The following BCL2 variants were observed in gnomAD, a reference collection of about 807,000 sequenced individuals.
The protein encoded by BCL2 is BCL2 apoptosis regulator.
In BCL2, 1 loss-of-function variant was observed where a neutral mutation model predicts 14.2. The observed-to-expected ratio is 0.07, with a 90% CI of 0.02 to 0.33. BCL2 has a LOEUF of 0.33. Among genes scored for constraint, BCL2 ranks in the 10% least tolerant of loss-of-function variants. The pLI, the probability that BCL2 is intolerant of heterozygous loss-of-function variation, is 0.99. For synonymous variants in BCL2, 151 were observed against 137.2 expected (o/e 1.10, Z -0.70); for missense variants, 247 against 305.9 (o/e 0.81, Z 1.44).
In BCL2 at chr18:63,305,418, T is replaced by C. The variant is rs186866973; in HGVS notation, c.585+12664A>G. The stretch of plus-strand genomic sequence containing the variant: ...GCTTATTGGCTCGTACACACCTTTG[T>C]TGGGCGAACTTTCTTCTTTACATGG... On this transcript the variant is annotated intron_variant, in intron 2 of 2. Coordinates refer to ENST00000333681, the MANE Select transcript of BCL2 (RefSeq NM_000633.3). Among the ~76,000 whole-genome samples the C allele has an allele frequency of 1.6e-4, 25 of 152,264 alleles. No individual in the cohort carries two copies. The East Asian group carries it at 4.6e-3, about 28-fold the overall frequency.
chr18:63,239,928 G>C (rs1172573682), intron 2 of BCL2, among the ~76,000 whole-genome samples: 1 of 152,188 alleles, frequency 6.6e-6, no homozygotes, highest in Admixed American at 6.5e-5. Context: ...GGAGAAGAGA[G>C]AGATGTAATT....
intron 2 of BCL2, among the ~76,000 whole-genome samples, chr18:63,169,465 T>C (rs1197723295): frequency 7.0e-6 from 1 of 142,728 alleles, no homozygotes; most frequent in African/African-American, 2.6e-5. Context: ...TCTCTCTCCC[T>C]CCCTGTCTCC....
chr18:63,300,710 T>C (rs1912939799), intron 2 of BCL2, among the ~76,000 whole-genome samples: 1 of 152,202 alleles, frequency 6.6e-6, no homozygotes, highest in Non-Finnish European at 1.5e-5. Context: ...GTGGCATCAT[T>C]AGGAATCACT....
At chr18:63,160,215 T>C (rs555933597) in intron 2 of BCL2, among the ~76,000 whole-genome samples, 1 of 152,324 alleles carries the variant, frequency 6.6e-6, no homozygotes, top group South Asian at 2.1e-4. Flanking sequence ...TCATTAATCA[T>C]CTACTACAAA....
chr18:63,218,353 C>T (rs1910265184), intron 2 of BCL2, among the ~76,000 whole-genome samples: 1 of 152,060 alleles, frequency 6.6e-6, no homozygotes, highest in Non-Finnish European at 1.5e-5. Context: ...CTCCTAAAAC[C>T]CTCAATGTCT....
chr18:63,215,501 G>T (rs1485249630), intron 2 of BCL2, among the ~76,000 whole-genome samples: 3 of 152,202 alleles, frequency 2.0e-5, no homozygotes. Flanking sequence ...GATATGATCT[G>T]ATTTGTATAA....
intron 2 of BCL2, among the ~76,000 whole-genome samples, chr18:63,156,751 A>T (rs530355591): frequency 6.6e-5 from 10 of 152,334 alleles, no homozygotes; most frequent in African/African-American, 1.9e-4. Context: ...AACTCTGCTC[A>T]GTAACTGCAA....
intron 2 of BCL2, among the ~76,000 whole-genome samples, chr18:63,220,020 G>T (rs984686175): frequency 4.6e-5 from 7 of 152,144 alleles, no homozygotes; most frequent in Admixed American, 1.3e-4. Context: ...GAAGGCATTT[G>T]TTACTCAGCA....
chr18:63,283,981 A>C (rs1190269527), intron 2 of BCL2, among the ~76,000 whole-genome samples: 2 of 152,164 alleles, frequency 1.3e-5, no homozygotes, highest in Non-Finnish European at 2.9e-5. Context: ...GCGACAGCAA[A>C]GAACCCTTAC....
intron 2 of BCL2, among the ~76,000 whole-genome samples, chr18:63,266,656 C>CACACACAA (rs768525120): frequency 5.7e-4 from 86 of 150,364 alleles, no homozygotes; most frequent in African/African-American, 2.1e-3. Flanking sequence ...CACACACACA[C>CACACACAA]AAAAATATAT....
At chr18:63,166,230 A>G (rs112416734) in intron 2 of BCL2, among the ~76,000 whole-genome samples, 1 of 152,210 alleles carries the variant, frequency 6.6e-6, no homozygotes, top group Non-Finnish European at 1.5e-5. Flanking sequence ...GGAGAAAGAC[A>G]AGGCAGCTCC....
At chr18:63,234,979 G>A (rs1377333224) in intron 2 of BCL2, among the ~76,000 whole-genome samples, 2 of 152,050 alleles carry the variant, frequency 1.3e-5, no homozygotes, top group African/African-American at 4.8e-5. Context: ...ACTCCAATAA[G>A]CCAATAAAGA....
intron 2 of BCL2, among the ~76,000 whole-genome samples, chr18:63,299,764 C>G (rs1310514284): frequency 6.6e-6 from 1 of 151,960 alleles, no homozygotes; most frequent in East Asian, 1.9e-4. Flanking sequence ...CATATGGTAC[C>G]CTTTCACATT....
At chr18:63,208,323 C>T (rs1341969370) in intron 2 of BCL2, among the ~76,000 whole-genome samples, 2 of 152,152 alleles carry the variant, frequency 1.3e-5, no homozygotes, top group Non-Finnish European at 1.5e-5. Context: ...ACATGCCCTG[C>T]GCCACACTGT....
chr18:63,223,433 G>A (rs986488463), intron 2 of BCL2, among the ~76,000 whole-genome samples: 1 of 151,906 alleles, frequency 6.6e-6, no homozygotes, highest in Non-Finnish European at 1.5e-5. Context: ...GAATGTGAGG[G>A]AAACTGTTTA....
chr18:63,253,771 A>G lies in BCL2; in HGVS notation c.585+64311T>C, dbSNP rs147670477. Reference sequence around the variant, plus strand: ...GATTCCCCAGTATATTAGAAAGATGATTCTCAGTAAATTGTGGGCAAGAAG... The same window carrying G: ...GATTCCCCAGTATATTAGAAAGATGGTTCTCAGTAAATTGTGGGCAAGAAG... On this transcript the variant is annotated intron_variant, in intron 2 of 2. Transcript: ENST00000333681. Among the ~76,000 whole-genome samples, 395 of 152,128 alleles carry G rather than the reference A, an allele frequency of 2.6e-3. 3 individuals are homozygous for G. The highest frequency in any genetic ancestry group is 9.0e-3 in the African/African-American group (374 of 41,528).
intron 2 of BCL2, among the ~76,000 whole-genome samples, chr18:63,235,133 G>T (rs1295126131): frequency 8.1e-6 from 1 of 123,840 alleles, no homozygotes; most frequent in Admixed American, 8.0e-5. Flanking sequence ...ACAACTATCA[G>T]ATTGGCAAAG....
At chr18:63,278,426 C>T (rs1158466143) in intron 2 of BCL2, among the ~76,000 whole-genome samples, 1 of 152,202 alleles carries the variant, frequency 6.6e-6, no homozygotes, top group East Asian at 1.9e-4. Flanking sequence ...TTATAGAATC[C>T]AGTTTAAGCA....
chr18:63,217,298 C>T (rs889938281), intron 2 of BCL2, among the ~76,000 whole-genome samples: 4 of 152,188 alleles, frequency 2.6e-5, no homozygotes, highest in African/African-American at 9.7e-5. Flanking sequence ...AGGCAAAGTA[C>T]CAGCCAGTAC....
Sources: allele counts gnomAD v4.1 joint callset (sites outside exome capture counted in the v4.1 genomes callset), GRCh38; gene constraint gnomAD v4.1.1; transcripts MANE v1.5; gene names NCBI Gene and HGNC (gene_info 2026-07-23, HGNC 2026-07-21).